The following DPEP2NB variants were observed in gnomAD, a reference collection of about 807,000 sequenced individuals.
The protein encoded by DPEP2NB is DPEP2 neighbor protein.
For synonymous variants in DPEP2NB, 35 were observed against 55.3 expected, an observed-to-expected ratio of 0.63 and a Z score of 1.63; for missense variants, 117 against 151.8, an observed-to-expected ratio of 0.77 and a Z score of 1.21.
Position 68,014,243 on chromosome 16 carries a change from C to A in DPEP2NB, c.237G>T (p.Lys79Asn). Residue 79 changes from lysine (K) to asparagine (N), a missense_variant, in exon 2 of 2, where the codon AAG becomes AAT. By Grantham distance (94) the Lys-to-Asn change is moderately conservative. Transcript: ENST00000574912. ...TCTTGGGAGCACGCCTGGGGGCTGG[C>A]TTCTCTGCTTCAGCCTTTGTTGGGG... ...LATPTKAEAE[K>N]PAPRRAPKRR... 8.1e-7 allele frequency: 1 copy of A among 1,231,726 alleles called. No individual in the cohort carries two copies. Among genetic ancestry groups the A allele is most frequent in the East Asian group, 3.2e-5 (1 of 31,700 alleles). The allele number at this position is 1,231,726 out of a possible 1,614,324, so 76.3% of individuals were successfully genotyped here.
In DPEP2NB at chr16:68,013,751, C is replaced by T. The variant is rs2033147770; in HGVS notation, c.*357G>A. On this transcript the variant is annotated 3_prime_UTR_variant, in exon 2 of 2. Coordinates refer to ENST00000574912, the MANE Select transcript of DPEP2NB (RefSeq NM_001282442.2). ...CAAAGCAAAGACCCATCTGGTAGAT[C>T]AAGCCCTTACTGGGCTATGCTGCAC... The T allele has an allele frequency of 1.7e-5, 3 of 175,890 alleles. No individual in the cohort carries two copies. In the South Asian group the frequency reaches 5.9e-4, roughly 35 times the overall value. 10.9% of individuals were successfully genotyped at this position (175,890 alleles called of 1,614,324 possible). A position where few individuals can be genotyped will look rare whatever the true frequency, so the allele number is the denominator to read the frequency against.
chr16:68,013,868 C>A lies in DPEP2NB; in HGVS notation c.*240G>T. On this transcript the variant is annotated 3_prime_UTR_variant, in exon 2 of 2. Transcript: ENST00000574912. ...GACTCTGGAGAGATGAGTAGAGGAA[C>A]ATCAGGTTTTCTTCCAGGCCGTCTT... The A allele has an allele frequency of 2.6e-6, 1 of 378,886 alleles. No individual in the cohort carries two copies. The allele number at this position is 378,886 out of a possible 1,614,324, so 23.5% of individuals were successfully genotyped here.
Position 68,014,335 on chromosome 16 carries a change from C to T in DPEP2NB, c.145G>A (p.Gly49Ser), listed in dbSNP as rs2033152825. 2 of 1,231,698 alleles carry T rather than the reference C, an allele frequency of 1.6e-6. No homozygotes were observed. Among genetic ancestry groups the T allele is most frequent in the Non-Finnish European group, 2.0e-6 (2 of 988,018 alleles). The allele number at this position is 1,231,698 out of a possible 1,614,324, so 76.3% of individuals were successfully genotyped here. Residue 49 changes from glycine (G) to serine (S), a missense_variant, in exon 2 of 2, where the codon GGC (glycine) becomes AGC (serine). By Grantham distance (56) the Gly-to-Ser change is moderately conservative (BLOSUM62 0). Transcript: ENST00000574912. ...LYRGCGETQV[G>S]WHGETYCLVG... ...AGGCAGTACGTCTCCCCATGCCAGC[C>T]TACCTGAGTTTCTCCACACCCTCGG...
rs566071530 is a variant in DPEP2NB, at chr16:68,013,971, G to A, written c.*137C>T. 101 of 650,710 alleles carry A rather than the reference G, an allele frequency of 1.6e-4. No individual in the cohort carries two copies. In the African/African-American group the frequency reaches 1.8e-3, roughly 12 times the overall value. The allele number at this position is 650,710 out of a possible 1,614,324, so 40.3% of individuals were successfully genotyped here. A position where few individuals can be genotyped will look rare whatever the true frequency, so the allele number is the denominator to read the frequency against. On this transcript the variant is annotated 3_prime_UTR_variant, in exon 2 of 2. Transcript: ENST00000574912. The stretch of plus-strand genomic sequence containing the variant: ...CTCCTTGGCCATGGGTAGTTAGCAT[G>A]GAAGGGGGCTTCTGGATGAGGAAGG...
Position 68,014,115 on chromosome 16 carries a change from G to A in DPEP2NB, c.365C>T (p.Ala122Val). Reference protein sequence around the residue: ...RGRRLTPQKLAG With the variant: ...RGRRLTPQKLVG Reference sequence around the variant, plus strand: ...TCCTTTCTCCCAAATGGCTCAGCCAGCAAGCTTCTGTGGGGTCAGTCTCCT... The same window carrying A: ...TCCTTTCTCCCAAATGGCTCAGCCAACAAGCTTCTGTGGGGTCAGTCTCCT... The change falls in exon 2 of 2, where the codon GCT (alanine) becomes GTT (valine). Residue 122 changes from alanine (A) to valine (V), a missense_variant. By Grantham distance (64) the Ala-to-Val change is moderately conservative. Coordinates refer to ENST00000574912, the MANE Select transcript of DPEP2NB (RefSeq NM_001282442.2). The A allele has an allele frequency of 8.1e-7, 1 of 1,231,810 alleles. No homozygotes were observed. Among genetic ancestry groups the A allele is most frequent in the Non-Finnish European group, 1.0e-6 (1 of 988,012 alleles). The allele number at this position is 1,231,810 out of a possible 1,614,324, so 76.3% of individuals were successfully genotyped here.
At chr16:68,014,479 C>T (rs990608947) in intron 1 of DPEP2NB, 67 bp from the exon 2 acceptor site, 9 of 1,084,758 alleles carry the variant, frequency 8.3e-6, no homozygotes, top group Middle Eastern at 3.4e-4. Flanking sequence ...TACCCTCTCT[C>T]GCGACTCTTC....
Position 68,014,137 on chromosome 16 carries a change from TC to T in DPEP2NB, c.342del (p.Arg115AspfsTer2). 5 of 1,231,798 alleles carry T rather than the reference TC, an allele frequency of 4.1e-6. No individual in the cohort carries two copies. The highest frequency in any genetic ancestry group is 4.0e-6 in the Non-Finnish European group (4 of 988,012). 76.3% of individuals were successfully genotyped at this position (1,231,798 alleles called of 1,614,324 possible). A position where few individuals can be genotyped will look rare whatever the true frequency, so the allele number is the denominator to read the frequency against. On this transcript the variant is annotated frameshift_variant, in exon 2 of 2. Coordinates refer to ENST00000574912, the MANE Select transcript of DPEP2NB (RefSeq NM_001282442.2). LOFTEE classifies it low-confidence loss of function (END_TRUNC). ...PKIRRLEHRGRRLTPQKLAG is the reference protein window; with the variant it reads ...PKIRRLEHRGXRLTPQKLAG ...CCAGCAAGCTTCTGTGGGGTCAGTC[TC>T]CTGCCACGATGCTCCAAGCGCCGAA...
In DPEP2NB at chr16:68,014,038, G is replaced by A. The variant is rs1158049243; in HGVS notation, c.*70C>T. 1.7e-6 allele frequency: 2 copies of A among 1,155,608 alleles called. No homozygotes were observed. Among genetic ancestry groups the A allele is most frequent in the South Asian group, 4.4e-5 (1 of 22,506 alleles). The allele number at this position is 1,155,608 out of a possible 1,614,324, so 71.6% of individuals were successfully genotyped here. On this transcript the variant is annotated 3_prime_UTR_variant, in exon 2 of 2. Coordinates refer to ENST00000574912, the MANE Select transcript of DPEP2NB (RefSeq NM_001282442.2). ...CAGGCTCTATCTGCAGTGGTGGGCAGGGGAGGTCACCGCAGAAGAGGCATT... is the reference window on the plus strand; with the variant it reads ...CAGGCTCTATCTGCAGTGGTGGGCAAGGGAGGTCACCGCAGAAGAGGCATT...
At position 68,014,322 on chromosome 16, in the gene DPEP2NB, T is replaced by TC; in HGVS notation, c.157dup (p.Glu53GlyfsTer24). On this transcript the variant is annotated frameshift_variant, in exon 2 of 2. Coordinates refer to ENST00000574912, the MANE Select transcript of DPEP2NB (RefSeq NM_001282442.2). LOFTEE classifies it low-confidence loss of function (END_TRUNC). ...GTAGCCACCAACCAGGCAGTACGTC[T>TC]CCCCATGCCAGCCTACCTGAGTTTC... is the stretch of plus-strand genomic sequence containing the variant. 1 of 1,231,596 alleles carries TC rather than the reference T, an allele frequency of 8.1e-7. No individual in the cohort carries two copies. Among genetic ancestry groups the TC allele is most frequent in the South Asian group, 4.1e-5 (1 of 24,318 alleles). 76.3% of individuals were successfully genotyped at this position (1,231,596 alleles called of 1,614,324 possible).
rs2033152696 is a variant in DPEP2NB at position 68,014,319 on chromosome 16, G to A, written c.161C>T (p.Thr54Met). 4.1e-6 allele frequency: 5 copies of A among 1,231,794 alleles called. No homozygotes were observed. The highest frequency in any genetic ancestry group is 5.1e-6 in the Non-Finnish European group (5 of 988,020). The allele number at this position is 1,231,794 out of a possible 1,614,324, so 76.3% of individuals were successfully genotyped here. ...GETQVGWHGE[T>M]YCLVGGYRVH... is the part of the protein sequence containing the mutation. Reference sequence around the variant, plus strand: ...CCGGTAGCCACCAACCAGGCAGTACGTCTCCCCATGCCAGCCTACCTGAGT... The same window carrying A: ...CCGGTAGCCACCAACCAGGCAGTACATCTCCCCATGCCAGCCTACCTGAGT... Residue 54 changes from threonine to methionine, a missense_variant, in exon 2 of 2, where the codon ACG becomes ATG. Physicochemically the swap from Thr to Met is moderately conservative, Grantham distance 81 (BLOSUM62 -1). Coordinates refer to ENST00000574912, the MANE Select transcript of DPEP2NB (RefSeq NM_001282442.2).
intron 1 of DPEP2NB, among the ~76,000 whole-genome samples, chr16:68,015,239 A>G (rs1027786580): frequency 6.6e-6 from 1 of 151,718 alleles, no homozygotes; most frequent in East Asian, 1.9e-4. Flanking sequence ...TAAAAAGAGA[A>G]AAAATTAGCT....
intron 1 of DPEP2NB, among the ~76,000 whole-genome samples, 200 bp from the exon 2 acceptor site, chr16:68,014,612 G>A (rs1226215529): frequency 1.3e-5 from 2 of 152,136 alleles, no homozygotes; most frequent in Non-Finnish European, 2.9e-5. Context: ...AGCAGCAGGA[G>A]ACCAGGAGAT....
In DPEP2NB at chr16:68,013,750, T is replaced by TC. The variant is rs2033147786; in HGVS notation, c.*357dup. On this transcript the variant is annotated 3_prime_UTR_variant, in exon 2 of 2. Transcript: ENST00000574912. ...TCAAAGCAAAGACCCATCTGGTAGATCAAGCCCTTACTGGGCTATGCTGCA... is the reference window on the plus strand; with the variant it reads ...TCAAAGCAAAGACCCATCTGGTAGATCCAAGCCCTTACTGGGCTATGCTGCA... The TC allele has an allele frequency of 5.7e-6, 1 of 174,858 alleles. No individual in the cohort carries two copies. Among genetic ancestry groups the TC allele is most frequent in the African/African-American group, 2.4e-5 (1 of 42,404 alleles). The allele number at this position is 174,858 out of a possible 1,614,324, so 10.8% of individuals were successfully genotyped here.
Position 68,014,266 on chromosome 16 carries a change from G to C in DPEP2NB, c.214C>G (p.Pro72Ala). ...GGCTTCTCTGCTTCAGCCTTTGTTG[G>C]GGTGGCCAAAGGAGCATCCCCATGG... ...RVHGDAPLAT[P>A]TKAEAEKPAP... Residue 72 changes from proline (P) to alanine (A), a missense_variant, in exon 2 of 2, where the codon CCA (proline) becomes GCA (alanine). Coordinates refer to ENST00000574912, the MANE Select transcript of DPEP2NB (RefSeq NM_001282442.2). 8.1e-7 allele frequency: 1 copy of C among 1,231,712 alleles called. No individual in the cohort carries two copies. The highest frequency in any genetic ancestry group is 3.2e-5 in the East Asian group (1 of 31,696). 76.3% of individuals were successfully genotyped at this position (1,231,712 alleles called of 1,614,324 possible). A position where few individuals can be genotyped will look rare whatever the true frequency, so the allele number is the denominator to read the frequency against.
At position 68,015,779 on chromosome 16, in the gene DPEP2NB, A is replaced by C. The variant is rs1255945667; in HGVS notation, c.-9T>G. The C allele has an allele frequency of 8.1e-7, 1 of 1,227,876 alleles. No individual in the cohort carries two copies. Among genetic ancestry groups the C allele is most frequent in the African/African-American group, 1.6e-5 (1 of 64,344 alleles). The allele number at this position is 1,227,876 out of a possible 1,614,324, so 76.1% of individuals were successfully genotyped here. ...AGGATCCGGTCAGTCATTCTCTCTC[A>C]GCCAACCAAACAGATTGGTATCTTA... On this transcript the variant is annotated 5_prime_UTR_variant, in exon 1 of 2. Transcript: ENST00000574912.
At chr16:68,014,586 A>G (rs1598292024) in intron 1 of DPEP2NB, among the ~76,000 whole-genome samples, 174 bp from the exon 2 acceptor site, 2 of 152,272 alleles carry the variant, frequency 1.3e-5, no homozygotes, top group Admixed American at 1.3e-4. Context: ...GAAAGCAGTT[A>G]TGTGGAGCCT....
At position 68,013,724 on chromosome 16, in the gene DPEP2NB, C is replaced by G. The variant is rs2033147475; in HGVS notation, c.*384G>C. The G allele has an allele frequency of 6.2e-6, 1 of 160,828 alleles. No homozygotes were observed. The highest frequency in any genetic ancestry group is 1.3e-5 in the Non-Finnish European group (1 of 74,076). 10.0% of individuals were successfully genotyped at this position (160,828 alleles called of 1,614,324 possible). ...TTGTGCTGGTAGTTGCTGGCAGTGA[C>G]TCAAAGCAAAGACCCATCTGGTAGA... On this transcript the variant is annotated 3_prime_UTR_variant, in exon 2 of 2. Coordinates refer to ENST00000574912, the MANE Select transcript of DPEP2NB (RefSeq NM_001282442.2).
chr16:68,015,112 CCAGGCA>C (rs1390181191), intron 1 of DPEP2NB, among the ~76,000 whole-genome samples: 1 of 151,958 alleles, frequency 6.6e-6, no homozygotes, highest in South Asian at 2.1e-4. Context: ...AATTGGTGGG[CCAGGCA>C]CAGTGCCTCA....
At position 68,014,423 on chromosome 16, in the gene DPEP2NB, A is replaced by C; in HGVS notation, c.68-11T>G. The C allele has an allele frequency of 1.6e-6, 2 of 1,231,454 alleles. No homozygotes were observed. The highest frequency in any genetic ancestry group is 2.0e-6 in the Non-Finnish European group (2 of 987,798). 76.3% of individuals were successfully genotyped at this position (1,231,454 alleles called of 1,614,324 possible). ...TGGCAGGCACTGCAGCTGGAAAGAA[A>C]ACCAGAATTAGTCACTTTTACCTTA... On this transcript the variant is annotated splice_polypyrimidine_tract_variant and intron_variant, in intron 1 of 1. Coordinates refer to ENST00000574912, the MANE Select transcript of DPEP2NB (RefSeq NM_001282442.2).
Sources: gnomAD v4.1 joint callset for allele counts (sites outside exome capture counted in the v4.1 genomes callset) on GRCh38, gnomAD v4.1.1 for gene constraint, MANE v1.5 for transcripts, NCBI Gene and HGNC (gene_info 2026-07-23, HGNC 2026-07-21) for gene names.